DCAF6: variants seen among roughly 807,000 people sequenced by gnomAD.
DCAF6 encodes the protein DDB1 and CUL4 associated factor 6.
In DCAF6, 54 loss-of-function variants were observed where a neutral mutation model predicts 125.1. The ratio of observed to expected loss-of-function variants is 0.43; its 90% confidence interval spans 0.35 to 0.54. The LOEUF (loss-of-function observed/expected upper bound fraction) is 0.54. DCAF6 is among the 20% of genes least tolerant of loss of function. The probability of loss-of-function intolerance (pLI) is 0.01; values close to 1 mark genes in which losing one functional copy is unlikely to be tolerated. For missense variants in DCAF6, 934 were observed against 1,161.7 expected, an observed-to-expected ratio of 0.80 and a Z score of 2.85; for synonymous variants, 371 against 390.4, an observed-to-expected ratio of 0.95 and a Z score of 0.58.
chr1:168,056,509 T>TA (rs1690873004), intron 17 of DCAF6: 1 of 251,648 alleles, frequency 4.0e-6, no homozygotes, highest in South Asian at 8.6e-5. Flanking sequence ...CTTAAGTTTT[T>TA]AATAATAAAT....
chr1:167,867,196 A>G, the DCAF6 span, among the ~76,000 whole-genome samples: 8,355 of 152,234 alleles, frequency 0.055, 687 homozygotes, highest in African/African-American at 0.18. Flanking sequence ...CCCAACCTCC[A>G]AAACCATCCT....
rs1194864890 is a variant in DCAF6 at position 168,045,123 on chromosome 1, T to C, written c.2154T>C (p.His718=). The C allele has an allele frequency of 4.3e-6, 7 of 1,613,978 alleles. No homozygotes were observed. In the East Asian group the frequency reaches 1.6e-4, roughly 36 times the overall value. The change falls in exon 16 of 22, where the codon CAT becomes CAC. Residue 718 remains histidine, a synonymous_variant. Transcript: ENST00000367840. ...CAGAAGCCACTGGGCCTTCAGCTCA[T>C]GAAGAAACATCCACCAGGGACTCTG... The part of the protein sequence containing the change: ...FQTEATGPSA[H]EETSTRDSAL...
chr1:168,044,856 T>C (rs371589283), intron 15 of DCAF6, 44 bp from the exon 16 acceptor site: 99 of 1,583,526 alleles, frequency 6.3e-5, no homozygotes, highest in Non-Finnish European at 8.3e-5. Context: ...TAATTAGTAT[T>C]GCCCACATTA....
the DCAF6 span, chr1:167,924,653 CT>C: frequency 1.7e-5 from 12 of 689,474 alleles, no homozygotes; most frequent in Non-Finnish European, 2.3e-5. Flanking sequence ...TTTTTAACCA[CT>C]TTTACTATGC....
intron 2 of DCAF6, among the ~76,000 whole-genome samples, chr1:167,953,306 C>G (rs1674266041): frequency 6.6e-6 from 1 of 152,106 alleles, no homozygotes; most frequent in Non-Finnish European, 1.5e-5. Flanking sequence ...TGTTGCCTAC[C>G]AAAGCAGCAT....
intron 3 of DCAF6, among the ~76,000 whole-genome samples, chr1:167,972,660 T>C (rs1197852787): frequency 6.6e-6 from 1 of 152,182 alleles, no homozygotes; most frequent in Non-Finnish European, 1.5e-5. Flanking sequence ...TTGGCATGGC[T>C]CTGCTGGTGG....
intron 3 of DCAF6, chr1:167,969,183 C>T (rs1676921375): frequency 1.3e-5 from 2 of 151,850 alleles, no homozygotes; most frequent in Admixed American, 1.3e-4. Flanking sequence ...TGTTTTAAAA[C>T]ATTTTTGTCT....
intron 17 of DCAF6, among the ~76,000 whole-genome samples, chr1:168,052,166 G>A (rs1572105879): frequency 6.6e-6 from 1 of 152,174 alleles, no homozygotes; most frequent in Non-Finnish European, 1.5e-5. Flanking sequence ...TTACAGGCTT[G>A]AGCCACCGCA....
At position 167,993,450 on chromosome 1, in the gene DCAF6, C is replaced by T. The variant is rs1458712279; in HGVS notation, c.903+10C>T. On this transcript the variant is annotated intron_variant, in intron 7 of 21. Transcript: ENST00000367840. ...AGAGAGAAGAGAAGAGGTAGGTTTA[C>T]TCAAAACCATGTCCTTTGGCCGGGC... 1 of 1,611,912 alleles carries T rather than the reference C, an allele frequency of 6.2e-7. No individual in the cohort carries two copies. Among genetic ancestry groups the T allele is most frequent in the Non-Finnish European group, 8.5e-7 (1 of 1,178,154 alleles).
the DCAF6 span, chr1:167,924,539 T>C: frequency 7.8e-6 from 12 of 1,532,326 alleles, no homozygotes; most frequent in Admixed American, 2.3e-5. Flanking sequence ...TTCTGGGACC[T>C]GAAAAAAAAA....
At chr1:167,950,370 T>C (rs1392641321) in intron 1 of DCAF6, among the ~76,000 whole-genome samples, 1 of 152,200 alleles carries the variant, frequency 6.6e-6, no homozygotes, top group Non-Finnish European at 1.5e-5. Flanking sequence ...GAAAAGTTAA[T>C]TACCTGAAGT....
chr1:167,925,246 T>C, the DCAF6 span, among the ~76,000 whole-genome samples: 10 of 152,006 alleles, frequency 6.6e-5, no homozygotes, highest in Non-Finnish European at 1.3e-4. Context: ...TGTAAATCTA[T>C]GTACCTATCA....
chr1:167,955,717 A>G (rs1674671377), intron 2 of DCAF6, among the ~76,000 whole-genome samples: 1 of 152,036 alleles, frequency 6.6e-6, no homozygotes, highest in Non-Finnish European at 1.5e-5. Flanking sequence ...TTAGTATTCT[A>G]TTATAAGATT....
At chr1:168,030,632 AGG>A (rs1686959846) in intron 12 of DCAF6, among the ~76,000 whole-genome samples, 2 of 152,228 alleles carry the variant, frequency 1.3e-5, no homozygotes, top group Non-Finnish European at 2.9e-5. Context: ...TAGAATAAAC[AGG>A]ACTTGGTGGT....
intron 4 of DCAF6, 63 bp downstream of exon 4, chr1:167,975,078 A>G: frequency 3.7e-6 from 4 of 1,080,722 alleles, no homozygotes; most frequent in South Asian, 2.3e-5. Context: ...TTAAGTACAT[A>G]CATGTGTAGA....
At chr1:168,012,241 A>G (rs1684402154) in intron 10 of DCAF6, among the ~76,000 whole-genome samples, 1 of 152,214 alleles carries the variant, frequency 6.6e-6, no homozygotes, top group Non-Finnish European at 1.5e-5. Flanking sequence ...TTGTAGAGGC[A>G]GGATGTGAGG....
chr1:168,048,957 G>A (rs868329345), intron 16 of DCAF6, among the ~76,000 whole-genome samples: 2 of 152,120 alleles, frequency 1.3e-5, no homozygotes, highest in South Asian at 4.1e-4. Flanking sequence ...TATAGTCTGT[G>A]GTAAAATGCC....
At chr1:167,984,950 T>C (rs1679733099) in intron 4 of DCAF6, among the ~76,000 whole-genome samples, 1 of 152,154 alleles carries the variant, frequency 6.6e-6, no homozygotes, top group Non-Finnish European at 1.5e-5. Flanking sequence ...CTCACAATCA[T>C]GGTGGAAGGT....
At chr1:167,908,423 G>A in the DCAF6 span, among the ~76,000 whole-genome samples, 721 of 152,172 alleles carry the variant, frequency 4.7e-3, 7 homozygotes, top group African/African-American at 0.017. Context: ...ATGAGATGTT[G>A]GTGGCTGAAG....
Sources: gnomAD v4.1 joint callset for allele counts (sites outside exome capture counted in the v4.1 genomes callset) on GRCh38, gnomAD v4.1.1 for gene constraint, MANE v1.5 for transcripts, NCBI Gene and HGNC (gene_info 2026-07-23, HGNC 2026-07-21) for gene names.